The following SPATS2L variants were observed in gnomAD, a reference collection of about 807,000 sequenced individuals.
SPATS2L encodes the protein SPATS2-like protein.
SPATS2L carries 30 observed loss-of-function variants against 59.6 expected under a neutral mutation model. That is an observed-to-expected ratio of 0.50 (90% CI 0.38 to 0.68). The LOEUF (loss-of-function observed/expected upper bound fraction) is 0.68, where lower values mean the gene tolerates loss of function less well. Among genes scored for constraint, SPATS2L ranks in the 30% least tolerant of loss-of-function variants. SPATS2L has a pLI of 0.00. For synonymous variants in SPATS2L, 252 were observed against 263.5 expected (o/e 0.96, Z 0.42); for missense variants, 615 against 700.0 (o/e 0.88, Z 1.37).
intron 1 of SPATS2L, among the ~76,000 whole-genome samples, chr2:200,320,324 C>T (rs2079522082): frequency 6.6e-6 from 1 of 152,220 alleles, no homozygotes; most frequent in Non-Finnish European, 1.5e-5. Context: ...ATATCTAAGT[C>T]ACCTTATTTT....
At chr2:200,407,556 CA>C (rs2082730169) in intron 3 of SPATS2L, among the ~76,000 whole-genome samples, 1 of 152,184 alleles carries the variant, frequency 6.6e-6, no homozygotes, top group African/African-American at 2.4e-5. Context: ...GGGGCTCAAC[CA>C]ATGTCTGTCT....
intron 6 of SPATS2L, among the ~76,000 whole-genome samples, chr2:200,432,664 C>T (rs1559127353): frequency 6.6e-6 from 1 of 152,064 alleles, no homozygotes; most frequent in Non-Finnish European, 1.5e-5. Context: ...AAAGATTAGT[C>T]ATTAAAAACA....
chr2:200,342,486 C>G (rs1016802905), intron 2 of SPATS2L, among the ~76,000 whole-genome samples: 6 of 152,236 alleles, frequency 3.9e-5, no homozygotes, highest in African/African-American at 1.4e-4. Flanking sequence ...CTGGGCCTGC[C>G]TTCCCTGCTG....
intron 6 of SPATS2L, among the ~76,000 whole-genome samples, chr2:200,433,269 A>C (rs1255455762): frequency 1.3e-5 from 2 of 152,164 alleles, no homozygotes; most frequent in Non-Finnish European, 2.9e-5. Context: ...CTGATAGAAC[A>C]TATAGATTAA....
intron 3 of SPATS2L, among the ~76,000 whole-genome samples, chr2:200,407,229 A>G (rs1220618641): frequency 6.6e-6 from 1 of 152,194 alleles, no homozygotes; most frequent in Non-Finnish European, 1.5e-5. Context: ...TTTTACAGCT[A>G]CAGAACCAAG....
intron 6 of SPATS2L, among the ~76,000 whole-genome samples, chr2:200,437,591 G>A (rs1216455503): frequency 1.3e-5 from 2 of 152,190 alleles, no homozygotes; most frequent in Non-Finnish European, 2.9e-5. Flanking sequence ...ACTACCATTT[G>A]AATCTGTTTT....
At chr2:200,423,607 A>T (rs2083402632) in intron 6 of SPATS2L, among the ~76,000 whole-genome samples, 1 of 152,218 alleles carries the variant, frequency 6.6e-6, no homozygotes, top group Non-Finnish European at 1.5e-5. Context: ...AACTCCTAAA[A>T]AAAAATGTGT....
chr2:200,367,470 C>T (rs1037326567), intron 2 of SPATS2L, among the ~76,000 whole-genome samples: 2 of 152,128 alleles, frequency 1.3e-5, no homozygotes, highest in African/African-American at 4.8e-5. Context: ...AAATCGTAGT[C>T]AGTGAAAATG....
intron 8 of SPATS2L, among the ~76,000 whole-genome samples, chr2:200,455,440 C>T (rs1282096334): frequency 1.3e-5 from 2 of 152,154 alleles, no homozygotes; most frequent in Non-Finnish European, 2.9e-5. Flanking sequence ...CAGGCTTGCT[C>T]CTCCTGGGAT....
upstream of SPATS2L, chr2:200,305,949 G>T (rs1307449285): frequency 4.4e-6 from 3 of 676,424 alleles, no homozygotes; most frequent in African/African-American, 5.9e-5. Flanking sequence ...TAATGATTGA[G>T]AAACTGCTTT....
rs2087776654 is a variant in SPATS2L at position 200,481,619 on chromosome 2, G to A, written c.*3588G>A. ...CTCATGTGTCTACAGATGGTAAAAC[G>A]TTTATTTCTCAACAGACATTCCAGT... On this transcript the variant is annotated 3_prime_UTR_variant, in exon 13 of 13. Transcript: ENST00000409140. The A allele has an allele frequency of 6.6e-6, 1 of 152,194 alleles. No individual in the cohort carries two copies. The highest frequency in any genetic ancestry group is 2.1e-4 in the South Asian group (1 of 4,834). The allele number at this position is 152,194 out of a possible 1,614,324, so 9.4% of individuals were successfully genotyped here.
At chr2:200,412,919 T>G (rs1421662966) in intron 4 of SPATS2L, among the ~76,000 whole-genome samples, 2 of 151,832 alleles carry the variant, frequency 1.3e-5, no homozygotes, top group Non-Finnish European at 2.9e-5. Context: ...TAGCCAGGCA[T>G]AGTAATGCAC....
intron 3 of SPATS2L, among the ~76,000 whole-genome samples, chr2:200,405,620 G>C (rs545069067): frequency 9.9e-5 from 15 of 152,240 alleles, no homozygotes; most frequent in African/African-American, 3.6e-4. Context: ...AATATTAGTG[G>C]CCCAGCAAGT....
chr2:200,457,914 T>G (rs2085963378), intron 8 of SPATS2L, among the ~76,000 whole-genome samples: 1 of 152,240 alleles, frequency 6.6e-6, no homozygotes, highest in Non-Finnish European at 1.5e-5. Context: ...ATTGCAAAAG[T>G]ACATCTGATG....
chr2:200,357,210 T>C (rs114711749), intron 2 of SPATS2L, among the ~76,000 whole-genome samples: 4,619 of 152,294 alleles, frequency 0.03, 242 homozygotes, highest in African/African-American at 0.1. Context: ...GGCCAGATTT[T>C]TTTGGACATG....
intron 3 of SPATS2L, among the ~76,000 whole-genome samples, chr2:200,405,153 G>T (rs190835364): frequency 6.6e-6 from 1 of 152,276 alleles, no homozygotes; most frequent in East Asian, 1.9e-4. Context: ...ATTTACATCA[G>T]CTGGGAGCTG....
At chr2:200,428,047 G>A (rs1399983809) in intron 6 of SPATS2L, among the ~76,000 whole-genome samples, 4 of 116,204 alleles carry the variant, frequency 3.4e-5, no homozygotes. Context: ...TCCAGCCTGG[G>A]TGACAGCGAG....
At chr2:200,455,529 G>A (rs2085775523) in intron 8 of SPATS2L, among the ~76,000 whole-genome samples, 1 of 152,228 alleles carries the variant, frequency 6.6e-6, no homozygotes. Flanking sequence ...TCTGCACTCA[G>A]AAAGTGATCA....
chr2:200,474,531 G>C (rs572424588), intron 12 of SPATS2L, among the ~76,000 whole-genome samples: 8 of 151,952 alleles, frequency 5.3e-5, no homozygotes, highest in African/African-American at 1.7e-4. Flanking sequence ...TCAAATTCCT[G>C]GGCTCAAGCG....
Sources: gnomAD v4.1 joint callset for allele counts (sites outside exome capture counted in the v4.1 genomes callset) on GRCh38, gnomAD v4.1.1 for gene constraint, MANE v1.5 for transcripts, NCBI Gene and HGNC (gene_info 2026-07-23, HGNC 2026-07-21) for gene names.